Variants in SLC16A3 observed in about 807,000 individuals in gnomAD.
SLC16A3 encodes monocarboxylate transporter 4.
Under a neutral mutation model 25.0 loss-of-function variants are expected in SLC16A3, and 22 were observed. The ratio of observed to expected loss-of-function variants is 0.88; its 90% confidence interval spans 0.63 to 1.26. SLC16A3 has a LOEUF of 1.26. Ranked by LOEUF, SLC16A3 falls within the 50% of genes most tolerant of loss-of-function variation. The probability of loss-of-function intolerance (pLI) is 0.00; values close to 1 mark genes in which losing one functional copy is unlikely to be tolerated. For synonymous variants in SLC16A3, 390 were observed against 309.2 expected, an observed-to-expected ratio of 1.26 and a Z score of -2.74; for missense variants, 731 against 666.6, an observed-to-expected ratio of 1.10 and a Z score of -1.06.
rs149316057 is a variant in SLC16A3, at chr17:82,236,045, G to A, written c.37G>A (p.Val13Ile). The A allele has an allele frequency of 2.4e-5, 39 of 1,612,596 alleles. No homozygotes were observed. Among genetic ancestry groups the A allele is most frequent in the Admixed American group, 1.3e-4 (8 of 60,016 alleles). ...GAVVDEGPTGVKAPDGGWGWA... is the reference protein window; with the variant it reads ...GAVVDEGPTGIKAPDGGWGWA... Reference sequence around the variant, plus strand: ...CGTGGTGGACGAGGGCCCCACAGGCGTCAAGGCCCCTGACGGCGGCTGGGG... The same window carrying A: ...CGTGGTGGACGAGGGCCCCACAGGCATCAAGGCCCCTGACGGCGGCTGGGG... Residue 13 changes from valine (V) to isoleucine (I), a missense_variant, in exon 2 of 5, where the codon GTC (valine) becomes ATC (isoleucine). Transcript: ENST00000582743.
chr17:82,233,863 CAG>C (rs1358353582), intron 1 of SLC16A3: 3 of 151,594 alleles, frequency 2.0e-5, no homozygotes, highest in Non-Finnish European at 2.9e-5. Flanking sequence ...TTTTTTGAGA[CAG>C]AGTCTCGCTC....
chr17:82,237,329 C>T lies in SLC16A3; in HGVS notation c.559C>T (p.Leu187=), dbSNP rs1256522807. ...CGGCTTCCTCATCCTGGGCGGCCTG[C>T]TGCTCAACTGCTGCGTGTGTGCCGC... ...RGGFLILGGL[L]LNCCVCAALM... The change falls in exon 4 of 5, where the codon CTG becomes TTG. Residue 187 remains leucine (L), a synonymous_variant. Transcript: ENST00000582743. 4 of 1,541,504 alleles carry T rather than the reference C, an allele frequency of 2.6e-6. No individual in the cohort carries two copies. Among genetic ancestry groups the T allele is most frequent in the Admixed American group, 2.0e-5 (1 of 50,462 alleles).
At position 82,234,687 on chromosome 17, in the gene SLC16A3, C is replaced by T. The variant is rs1216566252; in HGVS notation, c.-26-1296C>T. ...CCGGGAGGAGGAGTGAGGAGCCACG[C>T]ACGGAACTGCTCAGACTCTCCCAGC... On this transcript the variant is annotated intron_variant, in intron 1 of 4. Coordinates refer to ENST00000582743, the MANE Select transcript of SLC16A3 (RefSeq NM_004207.4). The T allele has an allele frequency of 2.6e-5, 4 of 152,396 alleles. No individual in the cohort carries two copies. The East Asian group carries it at 7.7e-4, about 29-fold the overall frequency. The allele number at this position is 152,396 out of a possible 1,614,324, so 9.4% of individuals were successfully genotyped here. A position where few individuals can be genotyped will look rare whatever the true frequency, so the allele number is the denominator to read the frequency against.
intron 1 of SLC16A3, chr17:82,230,546 A>G (rs2147115293): frequency 6.5e-6 from 1 of 152,794 alleles, no homozygotes; most frequent in Non-Finnish European, 1.5e-5. Context: ...ATCCCAGCCC[A>G]GCCGTCAGGC....
intron 1 of SLC16A3, chr17:82,231,766 A>G (rs12450761): frequency 0.28 from 42,932 of 152,210 alleles, 6,561 homozygotes; most frequent in African/African-American, 0.4. Flanking sequence ...GGAGTGGCCA[A>G]TCCGCAAATG....
In SLC16A3 at chr17:82,236,096, G is replaced by A. The variant is rs781598860; in HGVS notation, c.88G>A (p.Val30Ile). The change falls in exon 2 of 5, where the codon GTC (valine) becomes ATC (isoleucine). Residue 30 changes from valine (V) to isoleucine (I), a missense_variant. Transcript: ENST00000582743. ...WGWAVLFGCF[V>I]ITGFSYAFPK... Reference sequence around the variant, plus strand: ...CTGGGCCGTGCTCTTCGGCTGTTTCGTCATCACTGGCTTCTCCTACGCCTT... The same window carrying A: ...CTGGGCCGTGCTCTTCGGCTGTTTCATCATCACTGGCTTCTCCTACGCCTT... The A allele has an allele frequency of 6.8e-5, 110 of 1,612,982 alleles. No homozygotes were observed. In the Admixed American group the frequency reaches 1.5e-3, roughly 22 times the overall value.
At chr17:82,235,556 G>A in intron 1 of SLC16A3, 1 of 212,300 alleles carries the variant, frequency 4.7e-6, no homozygotes. Flanking sequence ...AGGTCCTGGG[G>A]CGAGCTCAGT....
intron 1 of SLC16A3, 74 bp from the exon 2 acceptor site, chr17:82,235,909 C>A: frequency 9.7e-7 from 1 of 1,028,190 alleles, no homozygotes; most frequent in Non-Finnish European, 1.4e-6. Context: ...CCACCCAGCT[C>A]GTGTCCCTCC....
chr17:82,236,071 CT>C lies in SLC16A3; in HGVS notation c.64del (p.Trp22GlyfsTer61). On this transcript the variant is annotated frameshift_variant, in exon 2 of 5. Coordinates refer to ENST00000582743, the MANE Select transcript of SLC16A3 (RefSeq NM_004207.4). LOFTEE classifies it high-confidence loss of function. ...GVKAPDGGWG[W>X]AVLFGCFVIT... is the part of the protein sequence containing the mutation. ...TCAAGGCCCCTGACGGCGGCTGGGG[CT>C]GGGCCGTGCTCTTCGGCTGTTTCGT... 6.2e-7 allele frequency: 1 copy of C among 1,612,812 alleles called. No homozygotes were observed. The highest frequency in any genetic ancestry group is 8.5e-7 in the Non-Finnish European group (1 of 1,179,850).
chr17:82,220,420 C>T (rs2050382079), intron 1 of SLC16A3, among the ~76,000 whole-genome samples: 1 of 152,176 alleles, frequency 6.6e-6, no homozygotes, highest in Non-Finnish European at 1.5e-5. Context: ...CCTGGCACAC[C>T]CACTCCAGCT....
At chr17:82,233,521 C>T (rs995680081) in intron 1 of SLC16A3, among the ~76,000 whole-genome samples, 1 of 152,202 alleles carries the variant, frequency 6.6e-6, no homozygotes, top group African/African-American at 2.4e-5. Context: ...CCTCGTCTGT[C>T]TCCTGAGGAC....
At position 82,239,758 on chromosome 17, in the gene SLC16A3, G is replaced by A. The variant is rs779670163; in HGVS notation, c.*782G>A. The A allele has an allele frequency of 2.8e-5, 11 of 392,536 alleles. No individual in the cohort carries two copies. The highest frequency in any genetic ancestry group is 4.4e-5 in the Admixed American group (1 of 22,496). The allele number at this position is 392,536 out of a possible 1,614,324, so 24.3% of individuals were successfully genotyped here. A position where few individuals can be genotyped will look rare whatever the true frequency, so the allele number is the denominator to read the frequency against. On this transcript the variant is annotated 3_prime_UTR_variant, in exon 5 of 5. Coordinates refer to ENST00000582743, the MANE Select transcript of SLC16A3 (RefSeq NM_004207.4). ...AACAAGCCACTTTATTCACTGCTGT[G>A]TTTAAGAAACAGGACCCTCCTGCCT...
intron 1 of SLC16A3, among the ~76,000 whole-genome samples, chr17:82,223,412 T>C (rs4632180): frequency 0.76 from 115,311 of 152,124 alleles, 44,387 homozygotes; most frequent in East Asian, 0.93. Flanking sequence ...TGGTCTTGAA[T>C]TCCTGACCTC....
chr17:82,229,152 T>G (rs1360531055), intron 1 of SLC16A3, 46 bp downstream of exon 1: 1 of 150,230 alleles, frequency 6.7e-6, no homozygotes, highest in East Asian at 2.0e-4. Flanking sequence ...GCCCAGGAGC[T>G]CCCCCGTGCC....
intron 1 of SLC16A3, among the ~76,000 whole-genome samples, chr17:82,220,007 G>C (rs552212130): frequency 6.6e-6 from 1 of 152,004 alleles, no homozygotes; most frequent in East Asian, 1.9e-4. Context: ...GCTCAGGGCC[G>C]GGGGGGCCCT....
At chr17:82,234,047 AGCCAGG>A (rs1568536084) in intron 1 of SLC16A3, 4 of 60,056 alleles carry the variant, frequency 6.7e-5, no homozygotes, top group Non-Finnish European at 1.7e-4. Flanking sequence ...TCACCGTGTT[AGCCAGG>A]ATGGTCTCGA....
rs1230959843 is a variant in SLC16A3 at position 82,237,230 on chromosome 17, G to A, written c.460G>A (p.Ala154Thr). 3 of 1,553,598 alleles carry A rather than the reference G, an allele frequency of 1.9e-6. No homozygotes were observed. The highest frequency in any genetic ancestry group is 2.6e-6 in the Non-Finnish European group (3 of 1,148,720). ...RRPMANGLAA[A>T]GSPVFLCALS... ...CCCCATGGCCAACGGGCTGGCGGCA[G>A]CAGGTAGCCCTGTCTTCCTGTGTGC... is the stretch of plus-strand genomic sequence containing the variant. Residue 154 changes from alanine (A) to threonine (T), a missense_variant, in exon 4 of 5, where the codon GCA (alanine) becomes ACA (threonine). Transcript: ENST00000582743.
chr17:82,232,181 C>T (rs958438784), intron 1 of SLC16A3: 26 of 152,426 alleles, frequency 1.7e-4, no homozygotes, highest in African/African-American at 6.0e-4. Flanking sequence ...CCTGCCCCGC[C>T]TCCTGCCTGG....
upstream of SLC16A3, among the ~76,000 whole-genome samples, chr17:82,227,931 G>A (rs999464512): frequency 2.0e-5 from 3 of 152,214 alleles, no homozygotes; most frequent in East Asian, 1.9e-4. Flanking sequence ...GCAAGGCTGG[G>A]CTGCAGATGG....
Sources: allele counts gnomAD v4.1 joint callset (sites outside exome capture counted in the v4.1 genomes callset), GRCh38; gene constraint gnomAD v4.1.1; transcripts MANE v1.5; gene names NCBI Gene and HGNC (gene_info 2026-07-23, HGNC 2026-07-21).